CNBD1: variants seen among roughly 807,000 people sequenced by gnomAD.
The protein encoded by CNBD1 is cyclic nucleotide-binding domain-containing protein 1.
CNBD1 carries 71 observed loss-of-function variants against 54.4 expected under a neutral mutation model. That is an observed-to-expected ratio of 1.30 (90% CI 1.08 to 1.59). The LOEUF (loss-of-function observed/expected upper bound fraction) is 1.59, where lower values mean the gene tolerates loss of function less well. CNBD1 is among the 40% of genes most tolerant of loss of function. The pLI is 0.00. For synonymous variants in CNBD1, 182 were observed against 170.7 expected (o/e 1.07, Z -0.51); for missense variants, 659 against 518.0 (o/e 1.27, Z -2.64).
intron 4 of CNBD1, among the ~76,000 whole-genome samples, chr8:87,160,091 A>G (rs1812823964): frequency 6.6e-6 from 1 of 152,016 alleles, no homozygotes; most frequent in Non-Finnish European, 1.5e-5. Context: ...TATCAAGTAA[A>G]CTATAATTTT....
intron 4 of CNBD1, among the ~76,000 whole-genome samples, chr8:87,200,297 A>G (rs1813830613): frequency 6.6e-6 from 1 of 152,160 alleles, no homozygotes. Context: ...TCCATACCTA[A>G]AAACATCACA....
chr8:86,925,664 C>G (rs1242279102), intron 3 of CNBD1, among the ~76,000 whole-genome samples: 5 of 149,412 alleles, frequency 3.3e-5, no homozygotes, highest in African/African-American at 1.2e-4. Flanking sequence ...GTGGATCACT[C>G]GAGGTCATGA....
intron 4 of CNBD1, among the ~76,000 whole-genome samples, chr8:86,999,180 T>G (rs1284877270): frequency 6.6e-6 from 1 of 152,204 alleles, no homozygotes; most frequent in African/African-American, 2.4e-5. Flanking sequence ...ATTTTCTAGC[T>G]CTTTTGCCTC....
intron 8 of CNBD1, among the ~76,000 whole-genome samples, chr8:87,299,124 C>A (rs1167393633): frequency 6.6e-6 from 1 of 152,108 alleles, no homozygotes; most frequent in Admixed American, 6.6e-5. Flanking sequence ...TGTGGGTTTG[C>A]AGAGGTAAGA....
chr8:86,965,660 G>T (rs778971605), intron 4 of CNBD1, among the ~76,000 whole-genome samples: 1 of 152,100 alleles, frequency 6.6e-6, no homozygotes, highest in Non-Finnish European at 1.5e-5. Flanking sequence ...CGGGATCTTT[G>T]GGGGGTGGAT....
chr8:86,966,664 C>G (rs540617516), intron 4 of CNBD1, among the ~76,000 whole-genome samples: 1 of 152,016 alleles, frequency 6.6e-6, no homozygotes, highest in African/African-American at 2.4e-5. Context: ...AAAGGTGGCG[C>G]GTCTGGAGTT....
intron 4 of CNBD1, among the ~76,000 whole-genome samples, chr8:87,085,265 A>T (rs138944859): frequency 2.0e-5 from 3 of 152,238 alleles, no homozygotes; most frequent in Admixed American, 6.5e-5. Context: ...CATATGGATC[A>T]TATGTGGGCC....
At chr8:87,172,128 A>G (rs555048435) in intron 4 of CNBD1, among the ~76,000 whole-genome samples, 1 of 151,938 alleles carries the variant, frequency 6.6e-6, no homozygotes, top group Non-Finnish European at 1.5e-5. Context: ...ATGTGTTTGT[A>G]TAGTTTCCAA....
chr8:87,070,511 A>T (rs2130651391), intron 4 of CNBD1, among the ~76,000 whole-genome samples: 1 of 152,268 alleles, frequency 6.6e-6, no homozygotes, highest in African/African-American at 2.4e-5. Flanking sequence ...GCACACTTTT[A>T]AAAAAGACAA....
intron 5 of CNBD1, among the ~76,000 whole-genome samples, chr8:87,214,121 A>G (rs1814157966): frequency 6.6e-6 from 1 of 152,130 alleles, no homozygotes; most frequent in Admixed American, 6.6e-5. Context: ...GATCCCAGCT[A>G]CTTTCATGGG....
chr8:87,155,561 G>A (rs1360223225), intron 4 of CNBD1, among the ~76,000 whole-genome samples: 2 of 152,178 alleles, frequency 1.3e-5, no homozygotes, highest in African/African-American at 4.8e-5. Flanking sequence ...TTAGATGTAT[G>A]ATATTTGAGA....
chr8:87,096,977 C>T (rs544667876), intron 4 of CNBD1, among the ~76,000 whole-genome samples: 15 of 152,188 alleles, frequency 9.9e-5, no homozygotes, highest in Non-Finnish European at 2.1e-4. Flanking sequence ...TCAGGATATA[C>T]TTGGAAGCAG....
intron 1 of CNBD1, among the ~76,000 whole-genome samples, chr8:86,873,008 A>C (rs1808462302): frequency 6.6e-6 from 1 of 152,024 alleles, no homozygotes; most frequent in Admixed American, 6.5e-5. Flanking sequence ...CAGGAATTTG[A>C]GGTGAATTTC....
chr8:87,372,211 C>T (rs1337920146), intron 10 of CNBD1, among the ~76,000 whole-genome samples: 1 of 151,928 alleles, frequency 6.6e-6, no homozygotes, highest in Non-Finnish European at 1.5e-5. Flanking sequence ...AACAGAGAGC[C>T]AAATCATGAG....
chr8:86,903,112 A>G lies in CNBD1; in HGVS notation c.159-1969A>G, dbSNP rs140573553. 6.8e-4 allele frequency among the ~76,000 whole-genome samples: 103 copies of G among 152,144 alleles called. 1 individual carries two copies. Among genetic ancestry groups the G allele is most frequent in the African/African-American group, 2.4e-3 (98 of 41,532 alleles). On this transcript the variant is annotated intron_variant, in intron 2 of 10. Coordinates refer to ENST00000518476, the MANE Select transcript of CNBD1 (RefSeq NM_173538.3). ...TCTAGCTCTAGCATTTGACTCTTCCATTTCAACCTTCCACGTATTTCACTT... is the reference window on the plus strand; with the variant it reads ...TCTAGCTCTAGCATTTGACTCTTCCGTTTCAACCTTCCACGTATTTCACTT...
chr8:87,033,513 A>G (rs191095010), intron 4 of CNBD1, among the ~76,000 whole-genome samples: 85 of 152,282 alleles, frequency 5.6e-4, no homozygotes, highest in Admixed American at 1.8e-3. Context: ...GCTGATGTTT[A>G]TCTTTTCCCC....
At chr8:87,371,456 T>C (rs1810793621) in intron 10 of CNBD1, among the ~76,000 whole-genome samples, 1 of 151,994 alleles carries the variant, frequency 6.6e-6, no homozygotes, top group Non-Finnish European at 1.5e-5. Flanking sequence ...CCCTTGTAAT[T>C]TGGATTCCTA....
chr8:87,130,670 G>A (rs1291064977), intron 4 of CNBD1, among the ~76,000 whole-genome samples: 2 of 151,780 alleles, frequency 1.3e-5, no homozygotes, highest in African/African-American at 2.4e-5. Flanking sequence ...CCAGCTACTC[G>A]GGAGGCTGAG....
At chr8:87,268,630 C>A (rs1233121469) in intron 6 of CNBD1, among the ~76,000 whole-genome samples, 1 of 152,038 alleles carries the variant, frequency 6.6e-6, no homozygotes, top group East Asian at 1.9e-4. Flanking sequence ...GCCATTTTGA[C>A]TGGTGTGAGA....
Sources: gnomAD v4.1 joint callset for allele counts (sites outside exome capture counted in the v4.1 genomes callset) on GRCh38, gnomAD v4.1.1 for gene constraint, MANE v1.5 for transcripts, NCBI Gene and HGNC (gene_info 2026-07-23, HGNC 2026-07-21) for gene names.